Variants in PSD3 observed in about 807,000 individuals in gnomAD.
The protein encoded by PSD3 is PH and SEC7 domain-containing protein 3.
A neutral mutation model predicts 105.5 loss-of-function variants in PSD3; 49 were observed. The observed-to-expected ratio is 0.46, with a 90% confidence interval of 0.37 to 0.59. PSD3 has a LOEUF of 0.59. Among genes scored for constraint, PSD3 ranks in the 20% least tolerant of loss-of-function variants. PSD3 has a pLI of 0.00. For missense variants in PSD3, 1,561 were observed against 1,263.8 expected (o/e 1.24, Z -3.57); for synonymous variants, 557 against 457.8 (o/e 1.22, Z -2.77).
chr8:18,791,892 C>A (rs965152195), intron 8 of PSD3, among the ~76,000 whole-genome samples: 1 of 152,112 alleles, frequency 6.6e-6, no homozygotes, highest in African/African-American at 2.4e-5. Flanking sequence ...AACAAACAAT[C>A]ACATTAAAAA....
In PSD3 at chr8:18,804,914, A is replaced by G; in HGVS notation, c.1635-16T>C. The G allele has an allele frequency of 6.4e-7, 1 of 1,552,280 alleles. No individual in the cohort carries two copies. Among genetic ancestry groups the G allele is most frequent in the Non-Finnish European group, 8.7e-7 (1 of 1,144,000 alleles). On this transcript the variant is annotated splice_polypyrimidine_tract_variant and intron_variant, in intron 4 of 15. Coordinates refer to ENST00000327040, the MANE Select transcript of PSD3 (RefSeq NM_015310.4). ...CCCAGCATTGCTATGATAATTGATAAAGAGAGAAAATAATAGATTTTTCTT... is the reference window on the plus strand; with the variant it reads ...CCCAGCATTGCTATGATAATTGATAGAGAGAGAAAATAATAGATTTTTCTT...
At chr8:18,722,510 G>C in intron 9 of PSD3, among the ~76,000 whole-genome samples, 1 of 152,102 alleles carries the variant, frequency 6.6e-6, no homozygotes, top group East Asian at 1.9e-4. Context: ...TCCACACTAA[G>C]AATAAACTTA....
intron 9 of PSD3, among the ~76,000 whole-genome samples, chr8:18,669,791 A>G (rs1156756874): frequency 1.3e-5 from 2 of 152,250 alleles, no homozygotes; most frequent in Admixed American, 6.5e-5. Flanking sequence ...GAATCCCGTA[A>G]TGGTATAGCA....
chr8:18,636,663 A>C (rs1563406833), intron 10 of PSD3, among the ~76,000 whole-genome samples: 1 of 152,186 alleles, frequency 6.6e-6, no homozygotes, highest in Non-Finnish European at 1.5e-5. Flanking sequence ...CCATTTACAA[A>C]AAATCTTTAA....
intron 6 of PSD3, among the ~76,000 whole-genome samples, chr8:18,803,551 T>A (rs921137711): frequency 6.6e-6 from 1 of 152,110 alleles, no homozygotes; most frequent in Non-Finnish European, 1.5e-5. Context: ...AACCCAAGCG[T>A]GTCCTGAAGC....
chr8:19,020,707 G>C (rs1303356318), intron 1 of PSD3, among the ~76,000 whole-genome samples: 1 of 152,024 alleles, frequency 6.6e-6, no homozygotes, highest in African/African-American at 2.4e-5. Context: ...CAAAGAAGGA[G>C]GTAAGAAATG....
chr8:18,919,806 C>A (rs1563421122), intron 2 of PSD3, among the ~76,000 whole-genome samples: 1 of 132,924 alleles, frequency 7.5e-6, no homozygotes, highest in Non-Finnish European at 1.5e-5. Context: ...ACAATGAGAT[C>A]ACATGGACAC....
At chr8:18,742,283 C>A (rs1366861221) in intron 9 of PSD3, among the ~76,000 whole-genome samples, 1 of 152,076 alleles carries the variant, frequency 6.6e-6, no homozygotes, top group African/African-American at 2.4e-5. Context: ...AACCAACCAA[C>A]CAAGCAACCA....
chr8:19,037,452 A>G (rs961099596), intron 1 of PSD3, among the ~76,000 whole-genome samples: 1 of 152,226 alleles, frequency 6.6e-6, no homozygotes, highest in Non-Finnish European at 1.5e-5. Flanking sequence ...GTGATGGCCG[A>G]TTTCATGTAT....
intron 2 of PSD3, among the ~76,000 whole-genome samples, chr8:18,931,488 T>C (rs930813761): frequency 6.6e-6 from 1 of 152,188 alleles, no homozygotes; most frequent in African/African-American, 2.4e-5. Context: ...CAATACAAGT[T>C]AGAATGAGCT....
chr8:18,839,901 C>T (rs1814470228), intron 4 of PSD3, among the ~76,000 whole-genome samples: 1 of 152,168 alleles, frequency 6.6e-6, no homozygotes, highest in Admixed American at 6.5e-5. Context: ...CTTAGCAATA[C>T]TTTGTGGTTA....
At chr8:18,612,013 T>C (rs1260432656) in intron 11 of PSD3, among the ~76,000 whole-genome samples, 1 of 152,192 alleles carries the variant, frequency 6.6e-6, no homozygotes. Context: ...TAAGGTGGAA[T>C]GTTAAATGAA....
intron 4 of PSD3, among the ~76,000 whole-genome samples, chr8:18,817,253 T>C (rs1403129817): frequency 6.6e-6 from 1 of 152,254 alleles, no homozygotes; most frequent in Non-Finnish European, 1.5e-5. Flanking sequence ...ATTAGTATCA[T>C]ATATGTACTT....
At chr8:18,560,175 T>TACACACACACACACACACACAC (rs5889808) in intron 14 of PSD3, among the ~76,000 whole-genome samples, 34 of 143,446 alleles carry the variant, frequency 2.4e-4, no homozygotes, top group African/African-American at 7.8e-4. Context: ...ATACACATTT[T>TACACACACACACACACACACAC]ACACACACAC....
intron 2 of PSD3, among the ~76,000 whole-genome samples, chr8:18,888,923 G>C (rs1426823836): frequency 6.6e-6 from 1 of 152,088 alleles, no homozygotes; most frequent in African/African-American, 2.4e-5. Context: ...AAGCAGCCCT[G>C]AGGAATTGTG....
At chr8:18,804,357 A>G (rs1194791730) in intron 6 of PSD3, 165 bp downstream of exon 6, 2 of 600,590 alleles carry the variant, frequency 3.3e-6, no homozygotes, top group Non-Finnish European at 5.5e-6. Context: ...ACAAAATCCA[A>G]AATCCACAAC....
rs1220081686 is a variant in PSD3, at chr8:18,842,371, A to G, written c.1634+25303T>C. On this transcript the variant is annotated intron_variant, in intron 4 of 15. Coordinates refer to ENST00000327040, the MANE Select transcript of PSD3 (RefSeq NM_015310.4). The stretch of plus-strand genomic sequence containing the variant: ...AAAAATGCTCTCATAAGGGATTTAC[A>G]TGGGAAAAACAATTTTGGTTCTCTT... 2.6e-5 allele frequency among the ~76,000 whole-genome samples: 4 copies of G among 152,244 alleles called. No individual in the cohort carries two copies. The East Asian group carries it at 5.8e-4, about 22-fold the overall frequency.
intron 9 of PSD3, among the ~76,000 whole-genome samples, chr8:18,674,900 T>G (rs1398276026): frequency 6.6e-6 from 1 of 151,944 alleles, no homozygotes; most frequent in Non-Finnish European, 1.5e-5. Context: ...ACTCAGGAAG[T>G]GGAGGCATGA....
rs1554524315 is a variant in PSD3, at chr8:18,620,351, T to TTTTTTG, written c.2410+12261_2410+12262insCAAAAA. Among the ~76,000 whole-genome samples, 758 of 149,348 alleles carry TTTTTTG rather than the reference T, an allele frequency of 5.1e-3. 7 individuals carry two copies. Among genetic ancestry groups the TTTTTTG allele is most frequent in the Middle Eastern group, 7.0e-3 (2 of 286 alleles). ...GGGTTCTTGGGTTTGTGTTTTTTTT[T>TTTTTTG]TTTTTTTTTCCCCAGGCTGTGGTCA... On this transcript the variant is annotated intron_variant, in intron 11 of 15. Transcript: ENST00000327040.
Sources: gnomAD v4.1 joint callset for allele counts (sites outside exome capture counted in the v4.1 genomes callset) on GRCh38, gnomAD v4.1.1 for gene constraint, MANE v1.5 for transcripts, NCBI Gene and HGNC (gene_info 2026-07-23, HGNC 2026-07-21) for gene names.